Variants in COL19A1 observed in about 807,000 individuals in gnomAD.
COL19A1 encodes the protein collagen alpha-1(XIX) chain.
A neutral mutation model predicts 190.2 loss-of-function variants in COL19A1; 159 were observed. The observed-to-expected ratio is 0.84, with a 90% CI of 0.73 to 0.95. The LOEUF (loss-of-function observed/expected upper bound fraction) is 0.95, where lower values mean the gene tolerates loss of function less well. Among genes scored for constraint, COL19A1 ranks in the 40% least tolerant of loss-of-function variants. The pLI is 0.00. For synonymous variants in COL19A1, 509 were observed against 458.9 expected (o/e 1.11, Z -1.39); for missense variants, 1,418 against 1,431.9 (o/e 0.99, Z 0.16).
In COL19A1 at chr6:70,086,191, C is replaced by T. The variant is rs545716590; in HGVS notation, c.1225-15978C>T. ...ATATTTTACTACTCTAGAAATATTT[C>T]CATTTGGAAATGTTACCTATCCACA... On this transcript the variant is annotated intron_variant, in intron 15 of 50. Coordinates refer to ENST00000620364, the MANE Select transcript of COL19A1 (RefSeq NM_001858.6). Among the ~76,000 whole-genome samples, 214 of 152,046 alleles carry T rather than the reference C, an allele frequency of 1.4e-3. 1 individual carries two copies. Among genetic ancestry groups the T allele is most frequent in the Non-Finnish European group, 2.7e-3 (183 of 67,958 alleles).
intron 22 of COL19A1, 52 bp downstream of exon 22, chr6:70,142,128 C>CATTCTGTGTA: frequency 6.6e-7 from 1 of 1,526,318 alleles, no homozygotes; most frequent in Non-Finnish European, 9.0e-7. Flanking sequence ...GAATTGTAGC[C>CATTCTGTGTA]ATTCTGTGTA....
Position 70,143,667 on chromosome 6 carries a change from T to A in COL19A1, c.1627-543T>A, listed in dbSNP as rs186059866. Among the ~76,000 whole-genome samples, 352 of 151,896 alleles carry A rather than the reference T, an allele frequency of 2.3e-3. 1 individual carries two copies. The highest frequency in any genetic ancestry group is 7.9e-3 in the African/African-American group (327 of 41,416). ...CTTGGTACTTTGAACACCCAGTTTATAGAGCAAAGCTTTTGATCACTCCCC... is the reference window on the plus strand; with the variant it reads ...CTTGGTACTTTGAACACCCAGTTTAAAGAGCAAAGCTTTTGATCACTCCCC... On this transcript the variant is annotated intron_variant, in intron 23 of 50. Transcript: ENST00000620364.
intron 1 of COL19A1, among the ~76,000 whole-genome samples, chr6:69,871,187 A>G (rs765395480): frequency 2.2e-4 from 34 of 152,166 alleles, no homozygotes; most frequent in Non-Finnish European, 3.2e-4. Context: ...TTTTTACTCT[A>G]TAGGCTTGGC....
intron 17 of COL19A1, among the ~76,000 whole-genome samples, 196 bp from the exon 18 acceptor site, chr6:70,129,986 C>G (rs1785425335): frequency 6.6e-6 from 1 of 152,160 alleles, no homozygotes; most frequent in South Asian, 2.1e-4. Flanking sequence ...GTGTCCAAAG[C>G]TGGAATTATT....
intron 9 of COL19A1, among the ~76,000 whole-genome samples, chr6:69,956,738 T>A (rs1246775395): frequency 2.6e-5 from 4 of 152,084 alleles, no homozygotes; most frequent in Admixed American, 6.6e-5. Flanking sequence ...TCTAGTTATT[T>A]CATGCAATAT....
chr6:70,036,741 T>C (rs963915092), intron 14 of COL19A1, among the ~76,000 whole-genome samples: 3 of 152,126 alleles, frequency 2.0e-5, no homozygotes, highest in Admixed American at 2.0e-4. Flanking sequence ...GTGAGATAAA[T>C]TAAGCATTTA....
chr6:70,086,890 C>T (rs1782623062), intron 15 of COL19A1, among the ~76,000 whole-genome samples: 1 of 152,154 alleles, frequency 6.6e-6, no homozygotes, highest in Admixed American at 6.6e-5. Flanking sequence ...TATTGAGCAC[C>T]TATTGTTTGC....
chr6:70,024,070 A>G (rs1217584121), intron 12 of COL19A1, among the ~76,000 whole-genome samples: 1 of 152,074 alleles, frequency 6.6e-6, no homozygotes, highest in Non-Finnish European at 1.5e-5. Context: ...GTAGGCTTTC[A>G]GTGATGGGAA....
At chr6:69,950,715 CAT>C (rs1554171769) in intron 9 of COL19A1, among the ~76,000 whole-genome samples, 9 of 147,274 alleles carry the variant, frequency 6.1e-5, no homozygotes, top group Non-Finnish European at 9.0e-5. Flanking sequence ...CACACACACA[CAT>C]GTTCACACCT....
intron 16 of COL19A1, among the ~76,000 whole-genome samples, chr6:70,118,858 C>T (rs1784730296): frequency 6.6e-6 from 1 of 152,068 alleles, no homozygotes; most frequent in Non-Finnish European, 1.5e-5. Context: ...CTGCACTGAG[C>T]CGTGCATATT....
chr6:69,946,800 T>C (rs887109886), intron 9 of COL19A1, among the ~76,000 whole-genome samples: 1 of 151,892 alleles, frequency 6.6e-6, no homozygotes, highest in African/African-American at 2.4e-5. Context: ...AAATTTATGG[T>C]TATTTTATAA....
At chr6:69,970,850 TA>T (rs1775385276) in intron 11 of COL19A1, among the ~76,000 whole-genome samples, 1 of 152,184 alleles carries the variant, frequency 6.6e-6, no homozygotes, top group Non-Finnish European at 1.5e-5. Flanking sequence ...TGGAGCAAAA[TA>T]ATAACTATGA....
chr6:69,924,031 C>T (rs370066202), intron 4 of COL19A1, among the ~76,000 whole-genome samples: 6 of 152,144 alleles, frequency 3.9e-5, no homozygotes, highest in South Asian at 2.1e-4. Context: ...ACAGCACCAA[C>T]GGCAAACCAT....
At chr6:70,115,936 A>G (rs1049449448) in intron 16 of COL19A1, among the ~76,000 whole-genome samples, 10 of 151,032 alleles carry the variant, frequency 6.6e-5, no homozygotes, top group Non-Finnish European at 1.3e-4. Flanking sequence ...TAACTGCTTA[A>G]TTTATGTAAT....
At chr6:70,049,056 T>C (rs1780056104) in intron 14 of COL19A1, among the ~76,000 whole-genome samples, 2 of 151,930 alleles carry the variant, frequency 1.3e-5, no homozygotes, top group Admixed American at 1.3e-4. Flanking sequence ...GTATATATTA[T>C]AGCATAGTAA....
intron 11 of COL19A1, among the ~76,000 whole-genome samples, chr6:69,966,578 G>A (rs943915963): frequency 2.6e-5 from 4 of 151,770 alleles, no homozygotes; most frequent in Non-Finnish European, 4.4e-5. Context: ...CAGCATGCTC[G>A]TTAAGAGTCA....
intron 15 of COL19A1, among the ~76,000 whole-genome samples, chr6:70,078,100 AT>A (rs1782002971): frequency 6.6e-6 from 1 of 152,228 alleles, no homozygotes; most frequent in Non-Finnish European, 1.5e-5. Flanking sequence ...TCAAATAAAA[AT>A]CTCTACACTG....
chr6:70,136,831 G>A (rs970874063), intron 18 of COL19A1, among the ~76,000 whole-genome samples: 2 of 151,834 alleles, frequency 1.3e-5, no homozygotes, highest in African/African-American at 2.4e-5. Context: ...AGGCAAAAAC[G>A]GTATATGCTC....
chr6:69,896,338 C>T (rs1253850108), intron 2 of COL19A1, among the ~76,000 whole-genome samples: 2 of 151,238 alleles, frequency 1.3e-5, no homozygotes, highest in African/African-American at 4.9e-5. Flanking sequence ...GAGATCGAGA[C>T]CATCCTGGCT....
Sources: gnomAD v4.1 joint callset for allele counts (sites outside exome capture counted in the v4.1 genomes callset) on GRCh38, gnomAD v4.1.1 for gene constraint, MANE v1.5 for transcripts, NCBI Gene and HGNC (gene_info 2026-07-23, HGNC 2026-07-21) for gene names.